Variants in MACF1 observed in about 807,000 individuals in gnomAD.
The protein encoded by MACF1 is microtubule actin crosslinking factor 1, also known as microtubule-actin cross-linking factor 1.
MACF1 carries 193 observed loss-of-function variants against 854.8 expected under a neutral mutation model. That is an observed-to-expected ratio of 0.23 (90% CI 0.20 to 0.25). The LOEUF is 0.25. Among genes scored for constraint, MACF1 ranks in the 10% least tolerant of loss-of-function variants. The probability of loss-of-function intolerance (pLI) is 1.00; values close to 1 mark genes in which losing one functional copy is unlikely to be tolerated. For missense variants in MACF1, 7,722 were observed against 8,929.1 expected (o/e 0.86, Z 5.45); for synonymous variants, 3,185 against 3,226.7 (o/e 0.99, Z 0.44).
chr1:39,436,949 T>C (rs1643990817), intron 70 of MACF1, among the ~76,000 whole-genome samples: 1 of 152,254 alleles, frequency 6.6e-6, no homozygotes, highest in East Asian at 1.9e-4. Flanking sequence ...TTCTCTCTTA[T>C]TGTTCCATAA....
chr1:39,206,688 C>T lies in MACF1; in HGVS notation c.109+1557C>T, dbSNP rs191562495. On this transcript the variant is annotated intron_variant, in intron 1 of 100. Coordinates refer to ENST00000564288, the MANE Select transcript of MACF1 (RefSeq NM_001394062.1). Reference sequence around the variant, plus strand: ...AAATAGTTATATCGGGAATGTGCTACGTTTGCTTTATCTGTAAAATGAGAG... The same window carrying T: ...AAATAGTTATATCGGGAATGTGCTATGTTTGCTTTATCTGTAAAATGAGAG... 302 of 152,122 alleles carry T rather than the reference C, an allele frequency of 2.0e-3. 2 individuals carry two copies. Among genetic ancestry groups the T allele is most frequent in the African/African-American group, 7.0e-3 (292 of 41,490 alleles). 9.4% of individuals were successfully genotyped at this position (152,122 alleles called of 1,614,324 possible). A position where few individuals can be genotyped will look rare whatever the true frequency, so the allele number is the denominator to read the frequency against.
chr1:39,168,674 C>A (rs1178814138), intron 2 of MACF1, among the ~76,000 whole-genome samples: 4 of 152,064 alleles, frequency 2.6e-5, no homozygotes, highest in Non-Finnish European at 5.9e-5. Flanking sequence ...TGACCTGGGG[C>A]AAGTTACTCA....
chr1:39,387,306 A>G lies in MACF1; in HGVS notation c.14464A>G (p.Ile4822Val). The G allele has an allele frequency of 6.2e-7, 1 of 1,614,208 alleles. No homozygotes were observed. The highest frequency in any genetic ancestry group is 8.5e-7 in the Non-Finnish European group (1 of 1,180,032). ...KQSQQAKNCP[I>V]SAKLERLQSQ... is the part of the protein sequence containing the mutation. ...AAGCCAGCAAGCAAAAAACTGCCCA[A>G]TTTCTGCAAAATTGGAGCGGCTACA... Residue 4822 changes from isoleucine (I) to valine (V), a missense_variant, in exon 58 of 101, where the codon ATT (isoleucine) becomes GTT (valine). By Grantham distance (29) the Ile-to-Val change is conservative. Around this residue, in one of 15 missense-constraint regions of MACF1, gnomAD observed 2,807 missense variants for 3,235.8 expected, o/e 0.87. Coordinates refer to ENST00000564288, the MANE Select transcript of MACF1 (RefSeq NM_001394062.1).
In MACF1 at chr1:39,461,935, A is replaced by C; in HGVS notation, c.21576A>C (p.Arg7192=). The change falls in exon 93 of 101, where the codon CGA becomes CGC. Residue 7192 remains arginine (R), a synonymous_variant. Coordinates refer to ENST00000564288, the MANE Select transcript of MACF1 (RefSeq NM_001394062.1). ...EMTAVADIFD[R]DGDGYIDYYE... ...CTGCTGTGGCTGACATTTTCGACCG[A>C]GATGGGGATGGTTACATTGATTATT... The C allele has an allele frequency of 1.2e-6, 2 of 1,614,072 alleles. No individual in the cohort carries two copies. Among genetic ancestry groups the C allele is most frequent in the East Asian group, 2.2e-5 (1 of 44,884 alleles).
chr1:39,133,052 AC>A (rs1643049699), intron 2 of MACF1, among the ~76,000 whole-genome samples: 2 of 152,210 alleles, frequency 1.3e-5, no homozygotes, highest in African/African-American at 4.8e-5. Context: ...CTGGAGAGCA[AC>A]TATTAGTCCC....
intron 91 of MACF1, chr1:39,459,747 G>T (rs569495917): frequency 1.1e-5 from 12 of 1,068,844 alleles, no homozygotes; most frequent in East Asian, 1.2e-4. Flanking sequence ...AAAAAATATA[G>T]TACTATGCTT....
At chr1:39,345,004 G>C (rs1460158799) in intron 40 of MACF1, among the ~76,000 whole-genome samples, 1 of 152,114 alleles carries the variant, frequency 6.6e-6, no homozygotes, top group Non-Finnish European at 1.5e-5. Context: ...GGCCTCTCAT[G>C]CCCTGCTCAT....
intron 42 of MACF1, among the ~76,000 whole-genome samples, chr1:39,349,866 C>T (rs1647139590): frequency 6.6e-6 from 1 of 152,130 alleles, no homozygotes; most frequent in South Asian, 2.1e-4. Context: ...TGGGCTCAAG[C>T]AATCCTCCTG....
intron 56 of MACF1, among the ~76,000 whole-genome samples, chr1:39,383,574 G>C (rs1014986603): frequency 2.0e-5 from 3 of 152,108 alleles, no homozygotes; most frequent in Non-Finnish European, 4.4e-5. Context: ...AAACATAAAA[G>C]TTTGATAATA....
intron 61 of MACF1, among the ~76,000 whole-genome samples, chr1:39,425,478 C>A (rs1214785263): frequency 6.6e-6 from 1 of 152,192 alleles, no homozygotes; most frequent in East Asian, 1.9e-4. Flanking sequence ...TGACACACTG[C>A]CTGCCGTGCT....
At chr1:39,338,804 G>C (rs1021119155) in intron 38 of MACF1, among the ~76,000 whole-genome samples, 5 of 152,304 alleles carry the variant, frequency 3.3e-5, no homozygotes, top group African/African-American at 1.2e-4. Context: ...TGATATAAGT[G>C]GTTTCCCAAC....
At chr1:39,164,154 T>C (rs189099322) in intron 2 of MACF1, among the ~76,000 whole-genome samples, 4 of 152,344 alleles carry the variant, frequency 2.6e-5, no homozygotes, top group Admixed American at 2.6e-4. Flanking sequence ...GCGGGGCATG[T>C]ACATTGCTAA....
Position 39,448,251 on chromosome 1 carries a change from T to C in MACF1, c.20088+99T>C, listed in dbSNP as rs1644267238. ...TCAGAGCTAGTAAAAAGAAAACCAA[T>C]TGGTTAATGTTTAAAAGTCAAAATG... On this transcript the variant is annotated intron_variant, in intron 83 of 100. Transcript: ENST00000564288. 6.6e-6 allele frequency: 9 copies of C among 1,354,646 alleles called. No homozygotes were observed. In the South Asian group the frequency reaches 7.3e-5, roughly 11 times the overall value. The allele number at this position is 1,354,646 out of a possible 1,614,324, so 83.9% of individuals were successfully genotyped here.
Position 39,287,486 on chromosome 1 carries a change from T to A in MACF1, c.1709T>A (p.Val570Glu). 6 of 1,614,216 alleles carry A rather than the reference T, an allele frequency of 3.7e-6. No homozygotes were observed. The highest frequency in any genetic ancestry group is 5.1e-6 in the Non-Finnish European group (6 of 1,180,032). Residue 570 changes from valine to glutamate, a missense_variant, in exon 15 of 101, where the codon GTG becomes GAG. Around this residue, in one of 15 missense-constraint regions of MACF1, gnomAD observed 1,137 missense variants for 1,263.0 expected, o/e 0.90. Transcript: ENST00000564288. ...FRKPMTRAEL[V>E]AISSSEDEGN... Reference sequence around the variant, plus strand: ...AAGCCTATGACTCGGGCTGAACTTGTGGCCATCAGCTCCTCTGAAGATGAA... The same window carrying A: ...AAGCCTATGACTCGGGCTGAACTTGAGGCCATCAGCTCCTCTGAAGATGAA...
chr1:39,297,707 A>G lies in MACF1; in HGVS notation c.2443A>G (p.Ser815Gly), dbSNP rs1358239446. The change falls in exon 21 of 101, where the codon AGC (serine) becomes GGC (glycine). Residue 815 changes from serine (S) to glycine (G), a missense_variant. Physicochemically the swap from Ser to Gly is moderately conservative, Grantham distance 56. This residue lies in a region of MACF1 where 1,137 missense variants were observed against 1,263.0 expected (regional missense o/e 0.90). Coordinates refer to ENST00000564288, the MANE Select transcript of MACF1 (RefSeq NM_001394062.1). The stretch of plus-strand genomic sequence containing the variant: ...AAAATATTCCTGTGACCACAACACC[A>G]GCTTATCCCGCCTTGAAGACCTGCT... ...KRKYSCDHNT[S>G]LSRLEDLLQD... 1 of 1,614,192 alleles carries G rather than the reference A, an allele frequency of 6.2e-7. No homozygotes were observed. The highest frequency in any genetic ancestry group is 1.1e-5 in the South Asian group (1 of 91,084).
chr1:39,466,450 G>C (rs1450203227), intron 95 of MACF1, among the ~76,000 whole-genome samples: 1 of 152,192 alleles, frequency 6.6e-6, no homozygotes, highest in African/African-American at 2.4e-5. Context: ...GGTTGGGGGG[G>C]ACATGAAATA....
At chr1:39,185,261 C>T (rs572533822) in intron 2 of MACF1, among the ~76,000 whole-genome samples, 1 of 148,384 alleles carries the variant, frequency 6.7e-6, no homozygotes, top group African/African-American at 2.5e-5. Flanking sequence ...CACTGCACTC[C>T]AGCCTGGGCG....
intron 2 of MACF1, among the ~76,000 whole-genome samples, chr1:39,124,035 C>T (rs114802197): frequency 0.019 from 2,800 of 151,034 alleles, 91 homozygotes; most frequent in African/African-American, 0.065. Context: ...CTACTGCACC[C>T]GACCAATTCT....
At chr1:39,457,440 C>A (rs1399016367) in intron 89 of MACF1, 1 of 152,486 alleles carries the variant, frequency 6.6e-6, no homozygotes, top group African/African-American at 2.4e-5. Flanking sequence ...TCACTGCTAG[C>A]CACTCCCCAT....
Sources: gnomAD v4.1 joint callset for allele counts (sites outside exome capture counted in the v4.1 genomes callset) on GRCh38, gnomAD v4.1.1 for gene constraint, gnomAD v4.1.1 regional missense constraint, MANE v1.5 for transcripts, NCBI Gene and HGNC (gene_info 2026-07-23, HGNC 2026-07-21) for gene names.